Variants in SKAP2 observed in about 807,000 individuals in gnomAD.
SKAP2 encodes the protein src kinase associated phosphoprotein 2.
In SKAP2, 28 loss-of-function variants were observed where a neutral mutation model predicts 54.9. The observed-to-expected ratio is 0.51, with a 90% CI of 0.38 to 0.70. The LOEUF (loss-of-function observed/expected upper bound fraction) is 0.70. Ranked by LOEUF, SKAP2 falls within the 30% of genes least tolerant of loss-of-function variation. The pLI, the probability that SKAP2 is intolerant of heterozygous loss-of-function variation, is 0.00. For synonymous variants in SKAP2, 137 were observed against 134.3 expected (o/e 1.02, Z -0.14); for missense variants, 356 against 424.1 (o/e 0.84, Z 1.41).
Position 26,712,285 on chromosome 7 carries a change from T to C in SKAP2, c.796+13143A>G, listed in dbSNP as rs113068823. 3.4e-4 allele frequency among the ~76,000 whole-genome samples: 52 copies of C among 152,338 alleles called. 1 individual carries two copies. Among genetic ancestry groups the C allele is most frequent in the African/African-American group, 1.2e-3 (49 of 41,566 alleles). On this transcript the variant is annotated intron_variant, in intron 9 of 12. Transcript: ENST00000345317. Reference sequence around the variant, plus strand: ...GTTTCAGATTTTGGAACATTTCAGATTTCAAATTAGGAATATTCAATCTGT... The same window carrying C: ...GTTTCAGATTTTGGAACATTTCAGACTTCAAATTAGGAATATTCAATCTGT...
chr7:26,794,425 T>G (rs1315978987), intron 4 of SKAP2, among the ~76,000 whole-genome samples: 1 of 152,248 alleles, frequency 6.6e-6, no homozygotes, highest in Non-Finnish European at 1.5e-5. Flanking sequence ...TCCTTGTCTA[T>G]AAGGAACATC....
the SKAP2 span, among the ~76,000 whole-genome samples, chr7:26,659,638 G>C: frequency 6.6e-6 from 1 of 151,976 alleles, no homozygotes; most frequent in Non-Finnish European, 1.5e-5. Flanking sequence ...TGGGCAATGC[G>C]GCAGGTTCAT....
At chr7:26,796,994 T>G (rs928726567) in intron 4 of SKAP2, among the ~76,000 whole-genome samples, 10 of 152,076 alleles carry the variant, frequency 6.6e-5, no homozygotes, top group African/African-American at 1.9e-4. Context: ...TAAGATTTGG[T>G]GGGAGAAAAG....
chr7:26,838,617 C>A lies in SKAP2; in HGVS notation c.307+5413G>T, dbSNP rs535215496. Among the ~76,000 whole-genome samples, 16 of 152,224 alleles carry A rather than the reference C, an allele frequency of 1.1e-4. 1 individual carries two copies. Among genetic ancestry groups the A allele is most frequent in the Middle Eastern group, 3.4e-3 (1 of 294 alleles). On this transcript the variant is annotated intron_variant, in intron 4 of 12. Coordinates refer to ENST00000345317, the MANE Select transcript of SKAP2 (RefSeq NM_003930.5). Reference sequence around the variant, plus strand: ...CATTCTCTGCAACAAACCTCAAGACCCACATAAAACTCACTTAAATAAAAG... The same window carrying A: ...CATTCTCTGCAACAAACCTCAAGACACACATAAAACTCACTTAAATAAAAG...
intron 4 of SKAP2, among the ~76,000 whole-genome samples, chr7:26,781,027 T>C (rs1354654451): frequency 6.6e-6 from 1 of 152,186 alleles, no homozygotes; most frequent in African/African-American, 2.4e-5. Context: ...TAATGTTAAC[T>C]TTATTTACCA....
At chr7:26,726,386 C>T (rs1003671696) in intron 7 of SKAP2, among the ~76,000 whole-genome samples, 3 of 152,136 alleles carry the variant, frequency 2.0e-5, no homozygotes, top group Non-Finnish European at 4.4e-5. Flanking sequence ...TGGCTTTCAA[C>T]TGCAATCTCA....
At chr7:26,710,568 C>T (rs541265854) in intron 9 of SKAP2, among the ~76,000 whole-genome samples, 86 of 152,050 alleles carry the variant, frequency 5.7e-4, no homozygotes, top group Non-Finnish European at 9.7e-4. Flanking sequence ...ATGGGATATG[C>T]GTGGGGAAAA....
intron 7 of SKAP2, chr7:26,726,602 C>T (rs921414602): frequency 4.2e-6 from 1 of 236,816 alleles, no homozygotes; most frequent in African/African-American, 2.3e-5. Context: ...TGCTATGCAA[C>T]ATGTGATCAC....
At chr7:26,717,961 C>G (rs1281872025) in intron 9 of SKAP2, among the ~76,000 whole-genome samples, 1 of 151,940 alleles carries the variant, frequency 6.6e-6, no homozygotes, top group African/African-American at 2.4e-5. Context: ...CCATTGGAGA[C>G]AGAATTTCTA....
intron 3 of SKAP2, among the ~76,000 whole-genome samples, chr7:26,847,191 T>C (rs903098125): frequency 2.0e-5 from 3 of 152,076 alleles, no homozygotes; most frequent in South Asian, 2.1e-4. Flanking sequence ...CTCCCCATAA[T>C]CCTTTGAATT....
chr7:26,830,730 G>T (rs1784579166), intron 4 of SKAP2, among the ~76,000 whole-genome samples: 1 of 152,016 alleles, frequency 6.6e-6, no homozygotes, highest in African/African-American at 2.4e-5. Flanking sequence ...TTTTCCTCAA[G>T]TGTGAAGCAA....
intron 6 of SKAP2, among the ~76,000 whole-genome samples, chr7:26,732,872 G>A (rs6461963): frequency 0.82 from 124,183 of 152,198 alleles, 51,269 homozygotes; most frequent in African/African-American, 0.95. Flanking sequence ...AGTAAAACTT[G>A]GTTTGTACCT....
chr7:26,742,954 C>T (rs968923552), intron 4 of SKAP2, among the ~76,000 whole-genome samples: 1 of 152,032 alleles, frequency 6.6e-6, no homozygotes, highest in African/African-American at 2.4e-5. Flanking sequence ...ACGATTAACG[C>T]TATTGACATT....
chr7:26,701,536 C>G (rs1005944430), intron 9 of SKAP2, among the ~76,000 whole-genome samples: 1 of 152,024 alleles, frequency 6.6e-6, no homozygotes, highest in Non-Finnish European at 1.5e-5. Flanking sequence ...AGTTTGAAAC[C>G]AGCCTGACCA....
intron 11 of SKAP2, among the ~76,000 whole-genome samples, chr7:26,680,519 ATTG>A (rs1206008316): frequency 6.6e-6 from 1 of 152,216 alleles, no homozygotes; most frequent in Non-Finnish European, 1.5e-5. Context: ...TCTGAAACCA[ATTG>A]TTAATTCACT....
chr7:26,843,540 A>G (rs496173), intron 4 of SKAP2, among the ~76,000 whole-genome samples: 64,026 of 151,856 alleles, frequency 0.42, 14,704 homozygotes, highest in East Asian at 0.56. Flanking sequence ...CAATATAAAA[A>G]TGAAAATGCG....
intron 4 of SKAP2, among the ~76,000 whole-genome samples, chr7:26,793,414 C>T (rs1179694666): frequency 1.3e-5 from 2 of 152,172 alleles, no homozygotes; most frequent in African/African-American, 2.4e-5. Flanking sequence ...AGCCACTTCA[C>T]CACCACAGTT....
chr7:26,843,570 T>G (rs1352916508), intron 4 of SKAP2, among the ~76,000 whole-genome samples: 1 of 151,996 alleles, frequency 6.6e-6, no homozygotes, highest in African/African-American at 2.4e-5. Flanking sequence ...AAGCATTTGA[T>G]AAAAACCTGT....
chr7:26,855,065 C>T (rs1233206985), intron 1 of SKAP2, 175 bp from the exon 2 acceptor site: 7 of 448,346 alleles, frequency 1.6e-5, no homozygotes, highest in Non-Finnish European at 2.8e-5. Flanking sequence ...CTAAGTTGAA[C>T]AAATCTGATC....
Sources: allele counts gnomAD v4.1 joint callset (sites outside exome capture counted in the v4.1 genomes callset), GRCh38; gene constraint gnomAD v4.1.1; transcripts MANE v1.5; gene names NCBI Gene and HGNC (gene_info 2026-07-23, HGNC 2026-07-21).